Variants in ALDH1A2 observed in about 807,000 individuals in gnomAD.
ALDH1A2 encodes the protein retinal dehydrogenase 2.
Under a neutral mutation model 60.3 loss-of-function variants are expected in ALDH1A2, and 27 were observed. The observed-to-expected ratio is 0.45, with a 90% CI of 0.33 to 0.62. The LOEUF (loss-of-function observed/expected upper bound fraction) is 0.62. ALDH1A2 is among the 20% of genes least tolerant of loss of function. The pLI is 0.02. For missense variants in ALDH1A2, 581 were observed against 643.8 expected (o/e 0.90, Z 1.06); for synonymous variants, 289 against 232.4 (o/e 1.24, Z -2.21).
At chr15:58,046,719 T>G (rs1341497473) in intron 1 of ALDH1A2, among the ~76,000 whole-genome samples, 1 of 152,060 alleles carries the variant, frequency 6.6e-6, no homozygotes, top group South Asian at 2.1e-4. Context: ...CTGGTTAAAA[T>G]GGGAGTTTCT....
At chr15:57,966,806 C>G (rs897514712) in intron 7 of ALDH1A2, among the ~76,000 whole-genome samples, 17 of 152,182 alleles carry the variant, frequency 1.1e-4, no homozygotes, top group African/African-American at 4.1e-4. Context: ...CAGGGCCACT[C>G]CCCTTCAGCA....
At chr15:57,966,945 GCCATATAGT>G (rs1555399240) in intron 7 of ALDH1A2, among the ~76,000 whole-genome samples, 5 of 152,204 alleles carry the variant, frequency 3.3e-5, no homozygotes, top group Non-Finnish European at 7.3e-5. Context: ...GAGCAGAGCC[GCCATATAGT>G]CCATAGAGGC....
intron 1 of ALDH1A2, among the ~76,000 whole-genome samples, chr15:58,062,154 CATTAT>C (rs1566964887): frequency 6.6e-6 from 1 of 152,040 alleles, no homozygotes; most frequent in East Asian, 1.9e-4. Context: ...TTTAGCAGGT[CATTAT>C]GTTATAAATA....
intron 1 of ALDH1A2, among the ~76,000 whole-genome samples, chr15:58,032,309 A>T (rs1467948273): frequency 6.6e-6 from 1 of 152,090 alleles, no homozygotes; most frequent in African/African-American, 2.4e-5. Context: ...GAACAATGAG[A>T]ACACATGGAC....
intron 1 of ALDH1A2, among the ~76,000 whole-genome samples, chr15:58,046,331 CA>C (rs1300073394): frequency 1.3e-5 from 2 of 152,156 alleles, no homozygotes; most frequent in East Asian, 3.9e-4. Flanking sequence ...AGCAAGGTAA[CA>C]AGCAAGTCTG....
chr15:58,011,304 A>G (rs904977487), intron 3 of ALDH1A2, among the ~76,000 whole-genome samples: 5 of 152,242 alleles, frequency 3.3e-5, no homozygotes, highest in Non-Finnish European at 5.9e-5. Flanking sequence ...AGGGAAGCCC[A>G]GATGTTAACA....
intron 1 of ALDH1A2, among the ~76,000 whole-genome samples, chr15:58,060,068 G>T (rs555314965): frequency 1.3e-5 from 2 of 152,030 alleles, no homozygotes. Flanking sequence ...GATTACAGGC[G>T]TGTACCACCA....
intron 4 of ALDH1A2, among the ~76,000 whole-genome samples, chr15:58,007,337 G>C (rs1315355130): frequency 2.0e-5 from 3 of 151,896 alleles, no homozygotes; most frequent in African/African-American, 7.2e-5. Context: ...ATAAAAATCT[G>C]CACTGGGGTA....
At chr15:57,995,359 A>G (rs570798483) in intron 4 of ALDH1A2, among the ~76,000 whole-genome samples, 7 of 152,070 alleles carry the variant, frequency 4.6e-5, no homozygotes, top group Non-Finnish European at 8.8e-5. Flanking sequence ...AGTATTGAGG[A>G]AAGGATCTCT....
chr15:58,061,759 T>C (rs1354228892), intron 1 of ALDH1A2, among the ~76,000 whole-genome samples: 1 of 152,100 alleles, frequency 6.6e-6, no homozygotes, highest in African/African-American at 2.4e-5. Context: ...CTACTCTCTC[T>C]CCTTCAAAAG....
At chr15:57,988,238 T>C (rs151079904) in intron 7 of ALDH1A2, among the ~76,000 whole-genome samples, 1 of 152,334 alleles carries the variant, frequency 6.6e-6, no homozygotes, top group East Asian at 1.9e-4. Context: ...TACCACACTG[T>C]ATATGAAGTA....
intron 1 of ALDH1A2, among the ~76,000 whole-genome samples, chr15:58,061,300 T>C (rs1192066422): frequency 6.6e-6 from 1 of 151,856 alleles, no homozygotes; most frequent in African/African-American, 2.4e-5. Flanking sequence ...CCTGAAGTCC[T>C]CTATTAACAT....
chr15:57,994,580 A>T (rs139729119), intron 5 of ALDH1A2, among the ~76,000 whole-genome samples: 1 of 152,212 alleles, frequency 6.6e-6, no homozygotes, highest in East Asian at 1.9e-4. Flanking sequence ...TACAAGACAC[A>T]TAACAGCTCG....
intron 9 of ALDH1A2, among the ~76,000 whole-genome samples, chr15:57,963,036 G>A (rs894948059): frequency 2.0e-5 from 3 of 152,154 alleles, no homozygotes; most frequent in African/African-American, 7.2e-5. Flanking sequence ...GAGGCCTTCA[G>A]ATTAAGAAAT....
intron 1 of ALDH1A2, among the ~76,000 whole-genome samples, chr15:58,047,482 C>T (rs1263839206): frequency 1.3e-5 from 2 of 151,950 alleles, no homozygotes; most frequent in African/African-American, 4.8e-5. Flanking sequence ...ACTGTTTCTA[C>T]TTTAAAGAGA....
At chr15:58,050,846 C>A (rs1896756616) in intron 1 of ALDH1A2, among the ~76,000 whole-genome samples, 1 of 152,156 alleles carries the variant, frequency 6.6e-6, no homozygotes, top group Non-Finnish European at 1.5e-5. Flanking sequence ...TCTCAAACCA[C>A]TATGTTTAAA....
chr15:57,959,242 C>G (rs1401152232), intron 12 of ALDH1A2, among the ~76,000 whole-genome samples: 1 of 152,154 alleles, frequency 6.6e-6, no homozygotes, highest in Non-Finnish European at 1.5e-5. Context: ...CTGACCCCAG[C>G]ATTTCAGAGA....
At chr15:57,987,519 T>C (rs1894744311) in intron 7 of ALDH1A2, among the ~76,000 whole-genome samples, 1 of 152,206 alleles carries the variant, frequency 6.6e-6, no homozygotes, top group South Asian at 2.1e-4. Flanking sequence ...TTTGAAGTCT[T>C]GAAAGTAAAA....
intron 7 of ALDH1A2, among the ~76,000 whole-genome samples, chr15:57,976,462 T>C (rs113285619): frequency 6.6e-6 from 1 of 152,162 alleles, no homozygotes; most frequent in African/African-American, 2.4e-5. Context: ...TTCCCCTCCC[T>C]GTGTCCATGC....
Sources: allele counts gnomAD v4.1 joint callset (sites outside exome capture counted in the v4.1 genomes callset), GRCh38; gene constraint gnomAD v4.1.1; transcripts MANE v1.5; gene names NCBI Gene and HGNC (gene_info 2026-07-23, HGNC 2026-07-21).